Variants in SCHIP1 observed in about 807,000 individuals in gnomAD.
SCHIP1 encodes the protein schwannomin interacting protein 1, also known as schwannomin-interacting protein 1.
A neutral mutation model predicts 29.7 loss-of-function variants in SCHIP1; 8 were observed. That is an observed-to-expected ratio of 0.27 (90% CI 0.16 to 0.49). SCHIP1 has a LOEUF of 0.49. SCHIP1 is among the 20% of genes least tolerant of loss of function. SCHIP1 has a pLI of 0.99. For synonymous variants in SCHIP1, 76 were observed against 94.9 expected, an observed-to-expected ratio of 0.80 and a Z score of 1.16; for missense variants, 193 against 294.6, an observed-to-expected ratio of 0.66 and a Z score of 2.52.
Position 159,861,122 on chromosome 3 carries a change from A to G in SCHIP1, c.31-5041A>G, listed in dbSNP as rs1248177794. Among the ~76,000 whole-genome samples, 2 of 152,224 alleles carry G rather than the reference A, an allele frequency of 1.3e-5. No homozygotes were observed. The highest frequency in any genetic ancestry group is 2.9e-5 in the Non-Finnish European group (2 of 68,038). On this transcript the variant is annotated intron_variant, in intron 1 of 6. Transcript: ENST00000445224. The surrounding 1 kb of genome is among the most constrained non-coding windows in gnomAD (Gnocchi z 4.1). ...ATTTTGAAAATGCAGAAAACACCCA[A>G]TCTTCCACTTGTAAATTTACGTGCA...
chr3:159,646,598 T>C, the SCHIP1 span, among the ~76,000 whole-genome samples: 2 of 152,130 alleles, frequency 1.3e-5, no homozygotes, highest in Non-Finnish European at 2.9e-5. Context: ...AAGATAGTAA[T>C]AAGGTAACTT....
At chr3:159,376,714 C>T in the SCHIP1 span, among the ~76,000 whole-genome samples, 1 of 152,166 alleles carries the variant, frequency 6.6e-6, no homozygotes, top group African/African-American at 2.4e-5. Context: ...TTTTACCTCT[C>T]AGGCCTGTCC....
At chr3:159,281,081 A>T in the SCHIP1 span, among the ~76,000 whole-genome samples, 1 of 151,942 alleles carries the variant, frequency 6.6e-6, no homozygotes, top group Admixed American at 6.6e-5. Flanking sequence ...AGATCACAGG[A>T]CCTTTATAGG....
At chr3:159,837,758 G>C (rs1161272463), upstream of SCHIP1, among the ~76,000 whole-genome samples, 2 of 152,058 alleles carry the variant, frequency 1.3e-5, no homozygotes, top group Admixed American at 1.3e-4. Context: ...CTTGTTGGGT[G>C]GTTGTATTGC....
chr3:159,559,797 G>A, the SCHIP1 span, among the ~76,000 whole-genome samples: 1 of 152,012 alleles, frequency 6.6e-6, no homozygotes. Flanking sequence ...TTTCCTAGAT[G>A]AGAGTATTTT....
At chr3:159,528,849 A>G in the SCHIP1 span, among the ~76,000 whole-genome samples, 2 of 152,218 alleles carry the variant, frequency 1.3e-5, no homozygotes, top group African/African-American at 4.8e-5. Context: ...GCAGAAGAAG[A>G]AAGAAATGAA....
the SCHIP1 span, among the ~76,000 whole-genome samples, chr3:159,491,267 G>A: frequency 6.6e-6 from 1 of 152,212 alleles, no homozygotes; most frequent in Non-Finnish European, 1.5e-5. Flanking sequence ...GAAGGACAGT[G>A]GGCGCAGCAC....
At chr3:159,567,670 T>A in the SCHIP1 span, among the ~76,000 whole-genome samples, 1 of 152,194 alleles carries the variant, frequency 6.6e-6, no homozygotes, top group African/African-American at 2.4e-5. Context: ...TTAATTGCTA[T>A]AGCTTTATAA....
chr3:159,543,344 T>A, the SCHIP1 span, among the ~76,000 whole-genome samples: 1 of 132,152 alleles, frequency 7.6e-6, no homozygotes, highest in African/African-American at 2.7e-5. Flanking sequence ...TATCTCCTAA[T>A]GCTATCCCTC....
At chr3:159,863,063 C>A (rs1714227752) in intron 1 of SCHIP1, among the ~76,000 whole-genome samples, 1 of 152,186 alleles carries the variant, frequency 6.6e-6, no homozygotes. Flanking sequence ...AATTTCTGGT[C>A]AGGCATGGTG....
chr3:159,520,096 T>TAAAAAAA, the SCHIP1 span, among the ~76,000 whole-genome samples: 1 of 82,898 alleles, frequency 1.2e-5, no homozygotes, highest in African/African-American at 4.7e-5. Context: ...CCTCATCAAA[T>TAAAAAAA]AAAAAAAAAA....
the SCHIP1 span, among the ~76,000 whole-genome samples, chr3:159,345,572 C>A: frequency 6.6e-6 from 1 of 151,942 alleles, no homozygotes; most frequent in African/African-American, 2.4e-5. Context: ...CTCTCTCTCT[C>A]TCTCTCTCAC....
the SCHIP1 span, among the ~76,000 whole-genome samples, chr3:159,374,852 G>A: frequency 6.6e-6 from 1 of 152,114 alleles, no homozygotes; most frequent in Non-Finnish European, 1.5e-5. Context: ...GCCACATGTG[G>A]CTATAGAGCA....
the SCHIP1 span, chr3:159,401,552 G>T: frequency 1.2e-5 from 2 of 170,264 alleles, no homozygotes; most frequent in African/African-American, 4.8e-5. Flanking sequence ...GTCTCAAAAG[G>T]TTAAGCAACT....
the SCHIP1 span, among the ~76,000 whole-genome samples, chr3:159,381,000 GC>G: frequency 2.0e-5 from 3 of 152,192 alleles, no homozygotes; most frequent in African/African-American, 7.2e-5. Context: ...CTATAAATGT[GC>G]AAATAAGTGT....
At chr3:159,882,737 A>G (rs905299339) in intron 2 of SCHIP1, among the ~76,000 whole-genome samples, 1 of 152,346 alleles carries the variant, frequency 6.6e-6, no homozygotes, top group African/African-American at 2.4e-5. Flanking sequence ...CGTCTCTGCC[A>G]TCCTCTCAAC....
the SCHIP1 span, among the ~76,000 whole-genome samples, chr3:159,588,447 T>G: frequency 2.0e-5 from 3 of 152,250 alleles, no homozygotes; most frequent in Non-Finnish European, 4.4e-5. Context: ...TTTCTTTTGC[T>G]GTGCAGAAGC....
At chr3:159,730,427 G>A in the SCHIP1 span, among the ~76,000 whole-genome samples, 1 of 152,124 alleles carries the variant, frequency 6.6e-6, no homozygotes, top group African/African-American at 2.4e-5. Flanking sequence ...GCAGTGCCTG[G>A]TACATGATGA....
the SCHIP1 span, among the ~76,000 whole-genome samples, chr3:159,278,343 A>G: frequency 1.3e-5 from 2 of 152,188 alleles, no homozygotes; most frequent in African/African-American, 4.8e-5. Flanking sequence ...CCCAGGAGGG[A>G]GAGTAAGATG....
Sources: gnomAD v4.1 joint callset for allele counts (sites outside exome capture counted in the v4.1 genomes callset) on GRCh38, gnomAD v4.1.1 for gene constraint, Gnocchi (gnomAD v3.1) non-coding constraint, MANE v1.5 for transcripts, NCBI Gene and HGNC (gene_info 2026-07-23, HGNC 2026-07-21) for gene names.